Variants in RORA observed in about 807,000 individuals in gnomAD.
The protein encoded by RORA is nuclear receptor ROR-alpha.
A neutral mutation model predicts 69.5 loss-of-function variants in RORA; 7 were observed. The observed-to-expected ratio is 0.10, with a 90% CI of 0.06 to 0.19. RORA has a LOEUF of 0.19. Among genes scored for constraint, RORA ranks in the 10% least tolerant of loss-of-function variants. RORA has a pLI of 1.00. For synonymous variants in RORA, 261 were observed against 240.8 expected, an observed-to-expected ratio of 1.08 and a Z score of -0.78; for missense variants, 457 against 663.0, an observed-to-expected ratio of 0.69 and a Z score of 3.41.
At position 60,490,724 on chromosome 15, in the gene RORA, A is replaced by C. The variant is rs974587495; in HGVS notation, c.*6731T>G. 10 of 152,186 alleles carry C rather than the reference A, an allele frequency of 6.6e-5. No individual in the cohort carries two copies. The highest frequency in any genetic ancestry group is 2.4e-4 in the African/African-American group (10 of 41,452). 9.4% of individuals were successfully genotyped at this position (152,186 alleles called of 1,614,324 possible). On this transcript the variant is annotated 3_prime_UTR_variant, in exon 11 of 11. Coordinates refer to ENST00000335670, the MANE Select transcript of RORA (RefSeq NM_134261.3). This position sits in a 1 kb window ranked among gnomAD's most constrained non-coding sequence, Gnocchi z 4.1. ...TCATTTGTTTTATTGCTTGACATTC[A>C]GTTATGGCTAGATTATTTAACCTAT...
intron 1 of RORA, among the ~76,000 whole-genome samples, chr15:61,186,937 G>A (rs2079749084): frequency 6.6e-6 from 1 of 152,188 alleles, no homozygotes; most frequent in Admixed American, 6.5e-5. Flanking sequence ...GCTTCTCTTG[G>A]GAAATGGCTC....
intron 1 of RORA, among the ~76,000 whole-genome samples, chr15:61,183,426 T>C (rs2079707809): frequency 6.6e-6 from 1 of 151,796 alleles, no homozygotes; most frequent in South Asian, 2.1e-4. Flanking sequence ...TCCCACCTAC[T>C]TGGGAGGCTG....
chr15:60,674,609 T>C (rs1364894889), intron 2 of RORA, among the ~76,000 whole-genome samples: 2 of 152,274 alleles, frequency 1.3e-5, no homozygotes, highest in African/African-American at 4.8e-5. Flanking sequence ...AATCTTTTTA[T>C]AAATAACACA....
At chr15:60,976,471 T>C (rs1242902985) in intron 1 of RORA, among the ~76,000 whole-genome samples, 1 of 152,140 alleles carries the variant, frequency 6.6e-6, no homozygotes, top group African/African-American at 2.4e-5. Context: ...AGATGGATCC[T>C]TCTAGACCCA....
chr15:60,819,180 G>A (rs993700561), intron 1 of RORA, among the ~76,000 whole-genome samples: 1 of 152,238 alleles, frequency 6.6e-6, no homozygotes. Context: ...TACTGGAACT[G>A]TAGTCCTTGA....
At chr15:60,745,673 C>A (rs572923632) in intron 1 of RORA, among the ~76,000 whole-genome samples, 1 of 152,206 alleles carries the variant, frequency 6.6e-6, no homozygotes, top group African/African-American at 2.4e-5. Flanking sequence ...TGTGTCTAAA[C>A]CTCTTGAGCG....
At chr15:60,870,236 A>C (rs1262412947) in intron 1 of RORA, among the ~76,000 whole-genome samples, 1 of 152,234 alleles carries the variant, frequency 6.6e-6, no homozygotes, top group Admixed American at 6.5e-5. Flanking sequence ...CATGCTAAGC[A>C]CTGTGGGGCT....
At chr15:60,594,499 G>A (rs540447351) in intron 2 of RORA, among the ~76,000 whole-genome samples, 1 of 152,156 alleles carries the variant, frequency 6.6e-6, no homozygotes, top group African/African-American at 2.4e-5. Context: ...TATACAACTC[G>A]GATGATTCAC....
rs571712766 is a variant in RORA at position 60,946,440 on chromosome 15, G to GT, written c.167-267755dup. ...GCGCCGCCACGCCTGACTGGTTTTCGTATTTTTTTGGTGGAGACGGGGTTT... is the reference window on the plus strand; with the variant it reads ...GCGCCGCCACGCCTGACTGGTTTTCGTTATTTTTTTGGTGGAGACGGGGTTT... On this transcript the variant is annotated intron_variant, in intron 1 of 10. Transcript: ENST00000335670. 2.6e-5 allele frequency among the ~76,000 whole-genome samples: 4 copies of GT among 152,332 alleles called. No individual in the cohort carries two copies. In the East Asian group the frequency reaches 7.7e-4, roughly 29 times the overall value.
intron 2 of RORA, among the ~76,000 whole-genome samples, chr15:60,563,490 C>T (rs920280891): frequency 3.9e-5 from 6 of 152,290 alleles, no homozygotes; most frequent in African/African-American, 1.4e-4. Context: ...ATGTATATTT[C>T]CAACTATTTT....
chr15:60,663,219 CATCT>C (rs1401636487), intron 2 of RORA, among the ~76,000 whole-genome samples: 1 of 152,176 alleles, frequency 6.6e-6, no homozygotes, highest in African/African-American at 2.4e-5. Flanking sequence ...AGAATCTGAG[CATCT>C]ATTCTCTGGG....
chr15:61,183,705 A>C lies in RORA; in HGVS notation c.166+45348T>G, dbSNP rs116915169. The stretch of plus-strand genomic sequence containing the variant: ...ATTTATTCTGATTTTTTGTGTACCC[A>C]TCTCTTAAAAATGGTAATGTTTTAA... On this transcript the variant is annotated intron_variant, in intron 1 of 10. Coordinates refer to ENST00000335670, the MANE Select transcript of RORA (RefSeq NM_134261.3). Among the ~76,000 whole-genome samples the C allele has an allele frequency of 5.1e-3, 783 of 152,194 alleles. 4 individuals carry two copies. The highest frequency in any genetic ancestry group is 8.9e-3 in the Non-Finnish European group (605 of 68,018).
chr15:61,150,433 T>C (rs2079387925), intron 1 of RORA, among the ~76,000 whole-genome samples: 1 of 152,248 alleles, frequency 6.6e-6, no homozygotes, highest in African/African-American at 2.4e-5. Context: ...ACATTTGGTC[T>C]ATATTTAATG....
chr15:60,543,065 C>T (rs1197603388), intron 2 of RORA, among the ~76,000 whole-genome samples: 1 of 151,966 alleles, frequency 6.6e-6, no homozygotes, highest in African/African-American at 2.4e-5. Context: ...TGAGAACCTG[C>T]GTGACTGGGC....
At chr15:60,846,240 C>T (rs951520868) in intron 1 of RORA, among the ~76,000 whole-genome samples, 3 of 152,184 alleles carry the variant, frequency 2.0e-5, no homozygotes, top group Non-Finnish European at 4.4e-5. Flanking sequence ...CTACTCGCTT[C>T]CAGGTCAGAA....
At chr15:60,947,207 T>C (rs1181184630) in intron 1 of RORA, among the ~76,000 whole-genome samples, 1 of 152,176 alleles carries the variant, frequency 6.6e-6, no homozygotes, top group Non-Finnish European at 1.5e-5. Context: ...CAACAGCTCA[T>C]TGAGAACGGG....
intron 1 of RORA, among the ~76,000 whole-genome samples, chr15:60,760,153 T>G (rs1047919959): frequency 1.3e-5 from 2 of 151,446 alleles, no homozygotes. Flanking sequence ...TTTTTTTTTT[T>G]CAATGTTTCT....
chr15:61,056,581 A>G (rs1056241485), intron 1 of RORA, among the ~76,000 whole-genome samples: 3 of 152,236 alleles, frequency 2.0e-5, no homozygotes, highest in African/African-American at 7.2e-5. Flanking sequence ...ATGAAAGCCA[A>G]AGATACCAGA....
At chr15:61,187,435 T>C (rs899859944) in intron 1 of RORA, among the ~76,000 whole-genome samples, 29 of 152,116 alleles carry the variant, frequency 1.9e-4, no homozygotes, top group Non-Finnish European at 1.2e-4. Context: ...CCAATTTTAA[T>C]TATCAAGGAG....
Sources: gnomAD v4.1 joint callset for allele counts (sites outside exome capture counted in the v4.1 genomes callset) on GRCh38, gnomAD v4.1.1 for gene constraint, Gnocchi (gnomAD v3.1) non-coding constraint, MANE v1.5 for transcripts, NCBI Gene and HGNC (gene_info 2026-07-23, HGNC 2026-07-21) for gene names.